MAML2: variants seen among roughly 807,000 people sequenced by gnomAD.
MAML2 encodes mastermind-like protein 2.
In MAML2, 22 loss-of-function variants were observed where a neutral mutation model predicts 96.1. The observed-to-expected ratio is 0.23, with a 90% confidence interval of 0.16 to 0.33. The LOEUF is 0.33. MAML2 is among the 10% of genes least tolerant of loss of function. The probability of loss-of-function intolerance (pLI) is 1.00; values close to 1 mark genes in which losing one functional copy is unlikely to be tolerated. For synonymous variants in MAML2, 561 were observed against 521.3 expected, an observed-to-expected ratio of 1.08 and a Z score of -1.04; for missense variants, 1,367 against 1,392.4, an observed-to-expected ratio of 0.98 and a Z score of 0.29.
chr11:96,326,094 G>GCCCCC (rs113693304), intron 1 of MAML2, among the ~76,000 whole-genome samples: 2 of 61,932 alleles, frequency 3.2e-5, no homozygotes, highest in Non-Finnish European at 6.7e-5. Flanking sequence ...TGTCTACCCC[G>GCCCCC]CCCCCCCCCC....
intron 2 of MAML2, 94 bp from the exon 3 acceptor site, chr11:95,991,817 CAT>C (rs927743671): frequency 2.1e-6 from 2 of 942,074 alleles, no homozygotes; most frequent in Admixed American, 2.2e-5. Context: ...AAACATTTTT[CAT>C]CTTATTAAAG....
At chr11:96,190,298 G>A (rs1861635515) in intron 1 of MAML2, among the ~76,000 whole-genome samples, 1 of 152,194 alleles carries the variant, frequency 6.6e-6, no homozygotes, top group African/African-American at 2.4e-5. Context: ...TTGCAGATGA[G>A]GGGATCTGTT....
At chr11:95,991,849 G>T in intron 2 of MAML2, 126 bp from the exon 3 acceptor site, 1 of 715,410 alleles carries the variant, frequency 1.4e-6, no homozygotes, top group Non-Finnish European at 2.4e-6. Flanking sequence ...GGTTAAATGG[G>T]TTGGAGATCA....
intron 2 of MAML2, among the ~76,000 whole-genome samples, chr11:96,089,309 A>G (rs1859668151): frequency 6.6e-6 from 1 of 152,208 alleles, no homozygotes; most frequent in Non-Finnish European, 1.5e-5. Flanking sequence ...AGAAGTATGT[A>G]TATCAAATAC....
Position 96,116,361 on chromosome 11 carries a change from A to G in MAML2, c.514-22844T>C, listed in dbSNP as rs1398822497. On this transcript the variant is annotated intron_variant, in intron 1 of 4. Coordinates refer to ENST00000524717, the MANE Select transcript of MAML2 (RefSeq NM_032427.4). ...ACTGACAAGAGACGACAAAGACAACACTCAGATATTCCAACCCAACCTGCA... is the reference window on the plus strand; with the variant it reads ...ACTGACAAGAGACGACAAAGACAACGCTCAGATATTCCAACCCAACCTGCA... 3.3e-5 allele frequency among the ~76,000 whole-genome samples: 5 copies of G among 152,094 alleles called. No individual in the cohort carries two copies. The East Asian group carries it at 7.7e-4, about 23-fold the overall frequency.
At chr11:96,139,194 A>C (rs1860690995) in intron 1 of MAML2, among the ~76,000 whole-genome samples, 1 of 152,118 alleles carries the variant, frequency 6.6e-6, no homozygotes, top group Non-Finnish European at 1.5e-5. Context: ...CTCACCACTG[A>C]AAAAAGACAG....
chr11:96,169,167 C>T (rs909576816), intron 1 of MAML2, among the ~76,000 whole-genome samples: 1 of 152,176 alleles, frequency 6.6e-6, no homozygotes, highest in African/African-American at 2.4e-5. Context: ...GAGTTAATAA[C>T]CCTTCATAAG....
intron 1 of MAML2, among the ~76,000 whole-genome samples, chr11:96,120,205 C>T (rs901047186): frequency 2.6e-5 from 4 of 152,164 alleles, no homozygotes; most frequent in African/African-American, 9.7e-5. Context: ...GATCCGCCCT[C>T]CTCGGCCTCC....
At chr11:96,011,144 G>C (rs1858258900) in intron 2 of MAML2, among the ~76,000 whole-genome samples, 1 of 152,204 alleles carries the variant, frequency 6.6e-6, no homozygotes, top group African/African-American at 2.4e-5. Context: ...TTCAGCCACT[G>C]TGGAAAGCAG....
intron 1 of MAML2, among the ~76,000 whole-genome samples, chr11:96,308,682 CTTT>C (rs1863498910): frequency 6.6e-6 from 1 of 152,176 alleles, no homozygotes; most frequent in Non-Finnish European, 1.5e-5. Context: ...CTTCCTACTT[CTTT>C]ATGTTTCAGC....
chr11:96,172,638 G>T (rs980416786), intron 1 of MAML2, among the ~76,000 whole-genome samples: 1 of 152,200 alleles, frequency 6.6e-6, no homozygotes, highest in Admixed American at 6.5e-5. Context: ...CACAATATGA[G>T]TAGTGGAATA....
intron 1 of MAML2, among the ~76,000 whole-genome samples, chr11:96,247,898 T>C (rs1221820913): frequency 6.6e-6 from 1 of 152,124 alleles, no homozygotes; most frequent in African/African-American, 2.4e-5. Context: ...ACTTAACTGA[T>C]ATGTATACCC....
At chr11:96,293,074 C>T (rs947758053) in intron 1 of MAML2, among the ~76,000 whole-genome samples, 1 of 152,062 alleles carries the variant, frequency 6.6e-6, no homozygotes, top group African/African-American at 2.4e-5. Flanking sequence ...AAAGGTTATC[C>T]ACATCTTAGA....
intron 2 of MAML2, among the ~76,000 whole-genome samples, chr11:96,025,210 C>A (rs1858497430): frequency 6.6e-6 from 1 of 152,058 alleles, no homozygotes; most frequent in Admixed American, 6.5e-5. Flanking sequence ...ATGGAATACC[C>A]CACAGCCATA....
At chr11:96,025,850 C>T (rs983743478) in intron 2 of MAML2, among the ~76,000 whole-genome samples, 28 of 146,364 alleles carry the variant, frequency 1.9e-4, no homozygotes, top group African/African-American at 5.8e-4. Context: ...TATAAGCCAC[C>T]GCGCCCAGCC....
intron 1 of MAML2, among the ~76,000 whole-genome samples, chr11:96,100,349 G>A (rs772339475): frequency 1.3e-5 from 2 of 149,102 alleles, no homozygotes; most frequent in South Asian, 2.1e-4. Context: ...TCACTCTCTC[G>A]CCCAGGCTGG....
At chr11:96,006,187 A>G (rs1174314519) in intron 2 of MAML2, among the ~76,000 whole-genome samples, 1 of 152,208 alleles carries the variant, frequency 6.6e-6, no homozygotes, top group Non-Finnish European at 1.5e-5. Flanking sequence ...TGAGACTTCA[A>G]AAAAGCTGAG....
intron 1 of MAML2, among the ~76,000 whole-genome samples, chr11:96,177,970 C>A (rs1318175395): frequency 7.2e-6 from 1 of 139,474 alleles, no homozygotes; most frequent in Non-Finnish European, 1.6e-5. Context: ...AAATAAGATC[C>A]TCTACCTGGG....
chr11:96,068,083 T>C (rs1436972004), intron 2 of MAML2, among the ~76,000 whole-genome samples: 1 of 152,230 alleles, frequency 6.6e-6, no homozygotes, highest in Non-Finnish European at 1.5e-5. Flanking sequence ...CAACAAGTTT[T>C]CTTCTTAATG....
Sources: allele counts gnomAD v4.1 joint callset (sites outside exome capture counted in the v4.1 genomes callset), GRCh38; gene constraint gnomAD v4.1.1; transcripts MANE v1.5; gene names NCBI Gene and HGNC (gene_info 2026-07-23, HGNC 2026-07-21).